Variants in ASTN2 observed in about 807,000 individuals in gnomAD.
ASTN2 encodes the protein astrotactin 2, also known as astrotactin-2.
In ASTN2, 54 loss-of-function variants were observed where a neutral mutation model predicts 139.8. The observed-to-expected ratio is 0.39, with a 90% CI of 0.31 to 0.48. ASTN2 has a LOEUF of 0.48. ASTN2 is among the 20% of genes least tolerant of loss of function. The pLI is 0.95. For missense variants in ASTN2, 1,565 were observed against 1,725.1 expected (o/e 0.91, Z 1.64); for synonymous variants, 756 against 719.5 (o/e 1.05, Z -0.81).
At chr9:116,646,315 CTT>C (rs1336731052) in intron 17 of ASTN2, among the ~76,000 whole-genome samples, 3 of 151,518 alleles carry the variant, frequency 2.0e-5, no homozygotes, top group Non-Finnish European at 2.9e-5. Flanking sequence ...GAGAAAAGAA[CTT>C]GCTATGACCT....
chr9:116,990,310 C>G (rs1404740456), intron 7 of ASTN2, among the ~76,000 whole-genome samples: 1 of 152,080 alleles, frequency 6.6e-6, no homozygotes, highest in Non-Finnish European at 1.5e-5. Context: ...CTCTGTCACC[C>G]AGGCTGGAAT....
At chr9:116,565,990 A>G (rs796196363) in intron 19 of ASTN2, among the ~76,000 whole-genome samples, 8 of 152,270 alleles carry the variant, frequency 5.3e-5, no homozygotes, top group African/African-American at 1.9e-4. Flanking sequence ...AGCCTTCTAC[A>G]TGTGTAAGCT....
intron 3 of ASTN2, among the ~76,000 whole-genome samples, chr9:117,186,750 A>G (rs1252002668): frequency 6.6e-6 from 1 of 152,214 alleles, no homozygotes. Flanking sequence ...GCAATGTTCT[A>G]AACAAGAAGC....
In ASTN2 at chr9:116,777,037, G is replaced by A. The variant is rs1450477804; in HGVS notation, c.2396+28595C>T. Reference sequence around the variant, plus strand: ...AAAATTGAATAGCATTTCTTGGGATGCCTATCTTGCCAAGTTAATTCAAAC... The same window carrying A: ...AAAATTGAATAGCATTTCTTGGGATACCTATCTTGCCAAGTTAATTCAAAC... On this transcript the variant is annotated intron_variant, in intron 13 of 22. Transcript: ENST00000313400. Among the ~76,000 whole-genome samples the A allele has an allele frequency of 3.3e-5, 5 of 152,284 alleles. No individual in the cohort carries two copies. The South Asian group carries it at 8.3e-4, about 25-fold the overall frequency.
At chr9:116,554,937 G>A (rs1414314817) in intron 19 of ASTN2, among the ~76,000 whole-genome samples, 2 of 152,172 alleles carry the variant, frequency 1.3e-5, no homozygotes, top group Non-Finnish European at 2.9e-5. Flanking sequence ...GAGACACTGT[G>A]CTTGTTGATT....
chr9:117,322,267 G>A (rs1429437205), intron 1 of ASTN2, among the ~76,000 whole-genome samples: 2 of 152,084 alleles, frequency 1.3e-5, no homozygotes, highest in South Asian at 4.2e-4. Context: ...ACATTTTGAG[G>A]GGAAGGTCTC....
At chr9:116,906,042 C>A (rs1375001034) in intron 10 of ASTN2, among the ~76,000 whole-genome samples, 1 of 152,082 alleles carries the variant, frequency 6.6e-6, no homozygotes. Context: ...CACTGACCCT[C>A]CAGACCTTAG....
At chr9:116,452,952 G>A (rs2118928300) in intron 20 of ASTN2, among the ~76,000 whole-genome samples, 1 of 152,222 alleles carries the variant, frequency 6.6e-6, no homozygotes, top group East Asian at 1.9e-4. Context: ...TTCTTCCATG[G>A]TGCCTTTAAG....
chr9:117,266,378 CT>C (rs1833939088), intron 2 of ASTN2, among the ~76,000 whole-genome samples: 1 of 152,088 alleles, frequency 6.6e-6, no homozygotes, highest in Non-Finnish European at 1.5e-5. Flanking sequence ...TCACCAGCTT[CT>C]ACAACTAGTT....
At chr9:117,349,120 C>A (rs1198885016) in intron 1 of ASTN2, among the ~76,000 whole-genome samples, 1 of 152,180 alleles carries the variant, frequency 6.6e-6, no homozygotes, top group Non-Finnish European at 1.5e-5. Flanking sequence ...AGGATTTTAT[C>A]TTCTGTCCTC....
At chr9:117,413,324 G>T (rs1450160134) in intron 1 of ASTN2, among the ~76,000 whole-genome samples, 2 of 152,244 alleles carry the variant, frequency 1.3e-5, no homozygotes, top group African/African-American at 2.4e-5. Flanking sequence ...CACCTGGAAG[G>T]CCCCTCACCT....
Position 116,968,898 on chromosome 9 carries a change from C to CA in ASTN2, c.1889+6309dup, listed in dbSNP as rs34706777. 8.6e-3 allele frequency among the ~76,000 whole-genome samples: 807 copies of CA among 93,496 alleles called. 10 individuals are homozygous for CA. The highest frequency in any genetic ancestry group is 0.023 in the African/African-American group (573 of 24,954). The allele number at this position is 93,496 out of a possible 152,430, so 61.3% of individuals were successfully genotyped here. Reference sequence around the variant, plus strand: ...TGGATGACAGAGTGAGACTCTGTCTCAAAAAAAAAAAAAAAAAAGTTCCTC... The same window carrying CA: ...TGGATGACAGAGTGAGACTCTGTCTCAAAAAAAAAAAAAAAAAAAGTTCCTC... On this transcript the variant is annotated intron_variant, in intron 10 of 22. Coordinates refer to ENST00000313400, the MANE Select transcript of ASTN2 (RefSeq NM_001365068.1).
chr9:117,014,273 C>T (rs10759885), intron 6 of ASTN2, among the ~76,000 whole-genome samples: 16,533 of 152,178 alleles, frequency 0.11, 1,079 homozygotes, highest in East Asian at 0.27. Context: ...GGCTTTAATA[C>T]ATTCCACCAC....
chr9:116,975,304 C>T lies in ASTN2; in HGVS notation c.1793G>A (p.Ser598Asn). 1 of 1,613,310 alleles carries T rather than the reference C, an allele frequency of 6.2e-7. No homozygotes were observed. Among genetic ancestry groups the T allele is most frequent in the Non-Finnish European group, 8.5e-7 (1 of 1,179,594 alleles). Residue 598 changes from serine to asparagine, a missense_variant, in exon 10 of 23, where the codon AGC becomes AAC. Transcript: ENST00000313400. ...SLGQGLWLPV[S>N]KSFVVPPVEL... ...CACAGGCGGAACCACAAAGCTTTTG[C>T]TGACAGGAAGCCAGAGGCCTTGGCC...
At chr9:116,531,664 C>T (rs1851357335) in intron 19 of ASTN2, among the ~76,000 whole-genome samples, 1 of 152,126 alleles carries the variant, frequency 6.6e-6, no homozygotes, top group Admixed American at 6.6e-5. Context: ...TGGTTTCCAG[C>T]TTCATCCACG....
intron 13 of ASTN2, among the ~76,000 whole-genome samples, chr9:116,758,092 G>A (rs1344866158): frequency 6.6e-6 from 1 of 152,112 alleles, no homozygotes; most frequent in East Asian, 1.9e-4. Flanking sequence ...TTCCTCCCCT[G>A]TAAAATGAGG....
intron 4 of ASTN2, among the ~76,000 whole-genome samples, chr9:117,116,579 G>T (rs368294510): frequency 6.9e-6 from 1 of 145,240 alleles, no homozygotes; most frequent in African/African-American, 2.6e-5. Flanking sequence ...TTCATCAAAA[G>T]TTTTTTTTTT....
chr9:116,701,836 AG>A (rs1179092796), intron 16 of ASTN2, among the ~76,000 whole-genome samples: 1 of 149,932 alleles, frequency 6.7e-6, no homozygotes, highest in African/African-American at 2.4e-5. Context: ...ATTGCAGACT[AG>A]GGCCCCAAGA....
At chr9:117,041,630 C>A (rs1281176104) in intron 5 of ASTN2, among the ~76,000 whole-genome samples, 1 of 152,176 alleles carries the variant, frequency 6.6e-6, no homozygotes, top group Admixed American at 6.5e-5. Flanking sequence ...CCTGCTGAAA[C>A]CTCTCAAGCT....
Sources: gnomAD v4.1 joint callset for allele counts (sites outside exome capture counted in the v4.1 genomes callset) on GRCh38, gnomAD v4.1.1 for gene constraint, MANE v1.5 for transcripts, NCBI Gene and HGNC (gene_info 2026-07-23, HGNC 2026-07-21) for gene names.